Variants in ARHGAP5 observed in about 807,000 individuals in gnomAD.
The protein encoded by ARHGAP5 is rho GTPase-activating protein 5.
In ARHGAP5, 23 loss-of-function variants were observed where a neutral mutation model predicts 116.6. That is an observed-to-expected ratio of 0.20 (90% confidence interval 0.14 to 0.28). The LOEUF is 0.28. Ranked by LOEUF, ARHGAP5 falls within the 10% of genes least tolerant of loss-of-function variation. ARHGAP5 has a pLI of 1.00. For missense variants in ARHGAP5, 1,405 were observed against 1,774.8 expected, an observed-to-expected ratio of 0.79 and a Z score of 3.74; for synonymous variants, 574 against 602.0, an observed-to-expected ratio of 0.95 and a Z score of 0.68.
rs1210882017 is a variant in ARHGAP5, at chr14:32,092,972, C to G, written c.2303C>G (p.Pro768Arg). ...KHNLDVVSPI[P>R]ANKDLSEADL... ...AATTTGGATGTGGTGAGCCCAATTC[C>G]TGCCAATAAGGACTTATCAGAAGCT... The change falls in exon 2 of 7, where the codon CCT (proline) becomes CGT (arginine). Residue 768 changes from proline to arginine, a missense_variant. Physicochemically the swap from Pro to Arg is moderately radical, Grantham distance 103. This residue lies in a region of ARHGAP5 where 944 missense variants were observed against 1,095.3 expected (regional missense o/e 0.86). Coordinates refer to ENST00000345122, the MANE Select transcript of ARHGAP5 (RefSeq NM_001030055.2). The surrounding 1 kb of genome is among the most constrained non-coding windows in gnomAD (Gnocchi z 4.1). 2 of 1,614,048 alleles carry G rather than the reference C, an allele frequency of 1.2e-6. No homozygotes were observed.
At chr14:32,142,850 C>T (rs1447136647) in intron 3 of ARHGAP5, among the ~76,000 whole-genome samples, 3 of 152,180 alleles carry the variant, frequency 2.0e-5, no homozygotes, top group Non-Finnish European at 4.4e-5. Context: ...TCTGACCCTT[C>T]TGGCAGCTCA....
chr14:32,154,730 A>G lies in ARHGAP5; in HGVS notation c.4291A>G (p.Thr1431Ala). 8 of 1,614,114 alleles carry G rather than the reference A, an allele frequency of 5.0e-6. No individual in the cohort carries two copies. Among genetic ancestry groups the G allele is most frequent in the African/African-American group, 1.3e-5 (1 of 75,044 alleles). ...TGAAAATCGAGAGTTTCTGTCTACT[A>G]CTAAGATTCATCAATCTGTTGTTGA... ...DFENREFLST[T>A]KIHQSVVETF... Residue 1431 changes from threonine to alanine, a missense_variant, in exon 7 of 7, where the codon ACT becomes GCT. Thr to Ala is a moderately conservative substitution (Grantham distance 58). Transcript: ENST00000345122.
chr14:32,127,286 A>G lies in ARHGAP5; in HGVS notation c.3865+9999A>G, dbSNP rs1361086392. On this transcript the variant is annotated intron_variant, in intron 3 of 6. Coordinates refer to ENST00000345122, the MANE Select transcript of ARHGAP5 (RefSeq NM_001030055.2). The stretch of plus-strand genomic sequence containing the variant: ...AGGTCAGCAGATAAACATGTGAACA[A>G]AGGTCTCTGGTTTTTCTAGGCAGAG... Among the ~76,000 whole-genome samples the G allele has an allele frequency of 2.0e-5, 3 of 152,122 alleles. No individual in the cohort carries two copies. The East Asian group carries it at 5.8e-4, about 29-fold the overall frequency.
At chr14:32,149,785 G>T in intron 4 of ARHGAP5, 117 bp from the exon 5 acceptor site, 2 of 529,016 alleles carry the variant, frequency 3.8e-6, no homozygotes, top group Non-Finnish European at 5.8e-6. Flanking sequence ...AAAAAAAAAA[G>T]AAAAAGAAAA....
chr14:32,089,395 G>A (rs1037271954), intron 1 of ARHGAP5, among the ~76,000 whole-genome samples: 2 of 151,718 alleles, frequency 1.3e-5, no homozygotes, highest in African/African-American at 2.4e-5. Context: ...GCTGATGTAC[G>A]TTGCTAGTGA....
chr14:32,133,368 A>T (rs1880610549), intron 3 of ARHGAP5, among the ~76,000 whole-genome samples: 1 of 152,182 alleles, frequency 6.6e-6, no homozygotes, highest in African/African-American at 2.4e-5. Flanking sequence ...GAGTTCACTC[A>T]TGATTTGGCT....
At chr14:32,149,852 T>A in intron 4 of ARHGAP5, 50 bp from the exon 5 acceptor site, 2 of 1,127,328 alleles carry the variant, frequency 1.8e-6, no homozygotes, top group Non-Finnish European at 2.4e-6. Context: ...AGCTTGCTTC[T>A]ATAATAAAGT....
intron 3 of ARHGAP5, among the ~76,000 whole-genome samples, chr14:32,124,528 T>C (rs1880048840): frequency 6.6e-6 from 1 of 152,124 alleles, no homozygotes; most frequent in South Asian, 2.1e-4. Flanking sequence ...AATAGGTCTT[T>C]TTGAGGAGTT....
chr14:32,082,084 G>A (rs2041782342), intron 1 of ARHGAP5, among the ~76,000 whole-genome samples: 1 of 152,122 alleles, frequency 6.6e-6, no homozygotes, highest in Non-Finnish European at 1.5e-5. Flanking sequence ...CTGTGGAGGC[G>A]GAGCTCAGGT....
intron 2 of ARHGAP5, among the ~76,000 whole-genome samples, chr14:32,111,066 A>G (rs1179710912): frequency 6.6e-6 from 1 of 152,248 alleles, no homozygotes; most frequent in Non-Finnish European, 1.5e-5. Flanking sequence ...GCTTATCAGC[A>G]TATAGATGAT....
chr14:32,094,423 T>A, intron 2 of ARHGAP5, 37 bp downstream of exon 2: 1 of 1,436,860 alleles, frequency 7.0e-7, no homozygotes, highest in Non-Finnish European at 9.4e-7. Context: ...TTTATAAAAA[T>A]GCTTGTTGTT....
At chr14:32,117,085 A>G in intron 2 of ARHGAP5, 55 bp from the exon 3 acceptor site, 1 of 1,396,802 alleles carries the variant, frequency 7.2e-7, no homozygotes, top group Non-Finnish European at 9.8e-7. Context: ...ATTGCTCATT[A>G]CTATTATTCT....
chr14:32,112,736 G>A (rs1196567734), intron 2 of ARHGAP5, among the ~76,000 whole-genome samples: 2 of 152,128 alleles, frequency 1.3e-5, no homozygotes, highest in Non-Finnish European at 1.5e-5. Flanking sequence ...GCCGGGCATG[G>A]TGGCAGGGCT....
rs1241866556 is a variant in ARHGAP5, at chr14:32,093,820, G to A, written c.3151G>A (p.Val1051Met). The change falls in exon 2 of 7, where the codon GTG becomes ATG. Residue 1051 changes from valine (V) to methionine (M), a missense_variant. This residue lies in a region of ARHGAP5 where 944 missense variants were observed against 1,095.3 expected (regional missense o/e 0.86). Coordinates refer to ENST00000345122, the MANE Select transcript of ARHGAP5 (RefSeq NM_001030055.2). ...TAAACCAGTTGTACCTAAGACAAAT[G>A]TGAAAAAACTCGATCCAAACCTTTT... ...KPKPVVPKTNVKKLDPNLLKT... is the reference protein window; with the variant it reads ...KPKPVVPKTNMKKLDPNLLKT... 6.2e-7 allele frequency: 1 copy of A among 1,613,438 alleles called. No homozygotes were observed.
intron 3 of ARHGAP5, among the ~76,000 whole-genome samples, chr14:32,126,076 C>A (rs1278297636): frequency 6.6e-6 from 1 of 152,074 alleles, no homozygotes; most frequent in African/African-American, 2.4e-5. Flanking sequence ...TGAATGCTTT[C>A]TATTTCTTTG....
At chr14:32,153,275 G>A (rs1030341701) in intron 6 of ARHGAP5, among the ~76,000 whole-genome samples, 9 of 149,532 alleles carry the variant, frequency 6.0e-5, no homozygotes, top group African/African-American at 2.2e-4. Flanking sequence ...GGCGTGGTGT[G>A]AGCATCTGTA....
chr14:32,094,428 G>C (rs751630402), intron 2 of ARHGAP5, 42 bp downstream of exon 2: 2 of 1,439,472 alleles, frequency 1.4e-6, no homozygotes, highest in South Asian at 1.4e-5. Context: ...AAAAATGCTT[G>C]TTGTTACTTT....
chr14:32,146,489 G>A, intron 4 of ARHGAP5, 149 bp downstream of exon 4: 1 of 613,836 alleles, frequency 1.6e-6, no homozygotes, highest in Non-Finnish European at 2.9e-6. Flanking sequence ...GAAGCACTAA[G>A]TAAAATAGAT....
At chr14:32,106,927 C>G (rs1411972640) in intron 2 of ARHGAP5, among the ~76,000 whole-genome samples, 1 of 152,330 alleles carries the variant, frequency 6.6e-6, no homozygotes, top group East Asian at 1.9e-4. Flanking sequence ...GACTTACGCA[C>G]TAGATCCTTT....
Sources: allele counts gnomAD v4.1 joint callset (sites outside exome capture counted in the v4.1 genomes callset), GRCh38; gene constraint gnomAD v4.1.1; regional missense constraint gnomAD v4.1.1; non-coding constraint Gnocchi (gnomAD v3.1); transcripts MANE v1.5; gene names NCBI Gene and HGNC (gene_info 2026-07-23, HGNC 2026-07-21).